The following DCC variants were observed in gnomAD, a reference collection of about 807,000 sequenced individuals.
DCC encodes the protein DCC netrin 1 receptor, also known as netrin receptor DCC.
Under a neutral mutation model 172.5 loss-of-function variants are expected in DCC, and 58 were observed. The observed-to-expected ratio is 0.34, with a 90% CI of 0.27 to 0.42. The LOEUF (loss-of-function observed/expected upper bound fraction) is 0.42. DCC is among the 10% of genes least tolerant of loss of function. The probability of loss-of-function intolerance (pLI) is 1.00; values close to 1 mark genes in which losing one functional copy is unlikely to be tolerated. For synonymous variants in DCC, 709 were observed against 644.5 expected (o/e 1.10, Z -1.52); for missense variants, 1,740 against 1,791.0 (o/e 0.97, Z 0.51).
At chr18:52,661,635 G>C (rs2035361978) in intron 1 of DCC, among the ~76,000 whole-genome samples, 1 of 152,210 alleles carries the variant, frequency 6.6e-6, no homozygotes, top group South Asian at 2.1e-4. Context: ...CAGCTAGAGG[G>C]AAACCCAGCC....
At chr18:53,437,727 G>A (rs541733826) in intron 22 of DCC, among the ~76,000 whole-genome samples, 1 of 151,460 alleles carries the variant, frequency 6.6e-6, no homozygotes, top group Non-Finnish European at 1.5e-5. Flanking sequence ...AATTTCATTA[G>A]CTCACTCTCG....
intron 15 of DCC, among the ~76,000 whole-genome samples, chr18:53,378,341 T>G (rs1907461291): frequency 6.6e-6 from 1 of 152,190 alleles, no homozygotes; most frequent in Admixed American, 6.5e-5. Flanking sequence ...TTTTAATCTT[T>G]ATGTACTCTA....
intron 5 of DCC, among the ~76,000 whole-genome samples, chr18:52,938,012 A>G (rs1277779340): frequency 6.6e-6 from 1 of 152,168 alleles, no homozygotes; most frequent in African/African-American, 2.4e-5. Context: ...ACTCCAGCTC[A>G]GTGCCTAGAT....
chr18:53,346,098 A>T (rs556761233), intron 15 of DCC, among the ~76,000 whole-genome samples: 1 of 152,208 alleles, frequency 6.6e-6, no homozygotes, highest in Non-Finnish European at 1.5e-5. Context: ...GGCTCAAGTA[A>T]TCCTGCTGCC....
intron 7 of DCC, among the ~76,000 whole-genome samples, chr18:53,155,236 T>G (rs2144390838): frequency 6.6e-6 from 1 of 152,276 alleles, no homozygotes; most frequent in Non-Finnish European, 1.5e-5. Flanking sequence ...AGCAGAAGTT[T>G]AACTCATGGC....
chr18:53,063,641 G>A (rs937185742), intron 6 of DCC, 182 bp downstream of exon 6: 3 of 574,070 alleles, frequency 5.2e-6, no homozygotes, highest in Non-Finnish European at 6.1e-6. Context: ...CTGAGAAAGA[G>A]TGATCAAAGA....
intron 7 of DCC, among the ~76,000 whole-genome samples, chr18:53,108,385 C>T (rs1298801992): frequency 1.3e-5 from 2 of 151,758 alleles, no homozygotes; most frequent in Non-Finnish European, 2.9e-5. Context: ...AATGTATCCA[C>T]ACATTTCTAC....
At chr18:53,462,035 G>A (rs1490386406) in intron 24 of DCC, among the ~76,000 whole-genome samples, 1 of 152,216 alleles carries the variant, frequency 6.6e-6, no homozygotes, top group Admixed American at 6.5e-5. Context: ...AGAGAAGAGG[G>A]ATGGAGTGAA....
intron 1 of DCC, among the ~76,000 whole-genome samples, chr18:52,683,430 C>A (rs2144995672): frequency 6.6e-6 from 1 of 152,112 alleles, no homozygotes; most frequent in Non-Finnish European, 1.5e-5. Context: ...AACACAGGGA[C>A]AATACGAAGG....
intron 27 of DCC, among the ~76,000 whole-genome samples, chr18:53,526,390 T>C (rs1317176908): frequency 6.6e-6 from 1 of 152,142 alleles, no homozygotes; most frequent in Non-Finnish European, 1.5e-5. Context: ...CTACTTGCAA[T>C]TACATATGGC....
intron 16 of DCC, among the ~76,000 whole-genome samples, chr18:53,390,515 A>G (rs1599097506): frequency 2.0e-5 from 3 of 152,258 alleles, no homozygotes; most frequent in South Asian, 2.1e-4. Context: ...CATCTCCCCA[A>G]ATGTTATCAT....
At chr18:53,398,143 T>G (rs1909072733) in intron 18 of DCC, among the ~76,000 whole-genome samples, 1 of 152,132 alleles carries the variant, frequency 6.6e-6, no homozygotes, top group Non-Finnish European at 1.5e-5. Context: ...TTAACATGTT[T>G]TTTTGATGGG....
intron 20 of DCC, among the ~76,000 whole-genome samples, chr18:53,411,703 A>G (rs9953183): frequency 2.9e-4 from 44 of 152,278 alleles, no homozygotes; most frequent in African/African-American, 9.4e-4. Context: ...AAAATTTGCC[A>G]ACAACACACA....
At chr18:52,838,887 G>T (rs1390396454) in intron 2 of DCC, among the ~76,000 whole-genome samples, 1 of 152,210 alleles carries the variant, frequency 6.6e-6, no homozygotes, top group Non-Finnish European at 1.5e-5. Context: ...GAGGATCTTA[G>T]AAGATAGGTG....
intron 12 of DCC, among the ~76,000 whole-genome samples, chr18:53,263,468 A>G (rs1413087955): frequency 5.3e-5 from 8 of 152,180 alleles, no homozygotes; most frequent in African/African-American, 1.9e-4. Flanking sequence ...GTGTAATTTT[A>G]AAATGTATTT....
chr18:52,715,379 AACCTCC>A (rs148479382), intron 1 of DCC, among the ~76,000 whole-genome samples: 7,892 of 151,272 alleles, frequency 0.052, 247 homozygotes, highest in South Asian at 0.14. Context: ...AGCTCACTGC[AACCTCC>A]ACCTCCTGGG....
At chr18:52,893,443 T>C (rs934288509) in intron 2 of DCC, among the ~76,000 whole-genome samples, 1 of 152,156 alleles carries the variant, frequency 6.6e-6, no homozygotes, top group African/African-American at 2.4e-5. Context: ...TAGAAGATCA[T>C]TTAATCCTTT....
At chr18:53,094,633 T>C (rs1230993904) in intron 7 of DCC, among the ~76,000 whole-genome samples, 1 of 152,172 alleles carries the variant, frequency 6.6e-6, no homozygotes, top group Non-Finnish European at 1.5e-5. Flanking sequence ...TTTAGATTAC[T>C]TTATATCTTC....
intron 1 of DCC, among the ~76,000 whole-genome samples, chr18:52,455,677 C>T (rs778077570): frequency 2.6e-5 from 4 of 152,150 alleles, no homozygotes; most frequent in Admixed American, 1.3e-4. Context: ...TTGTGATCCT[C>T]GGCAACTTAT....
Sources: allele counts gnomAD v4.1 joint callset (sites outside exome capture counted in the v4.1 genomes callset), GRCh38; gene constraint gnomAD v4.1.1; transcripts MANE v1.5; gene names NCBI Gene and HGNC (gene_info 2026-07-23, HGNC 2026-07-21).